RBM4: variants seen among roughly 807,000 people sequenced by gnomAD.
The protein encoded by RBM4 is RNA-binding protein 4.
Under a neutral mutation model 29.5 loss-of-function variants are expected in RBM4, and 7 were observed. That is an observed-to-expected ratio of 0.24 (90% CI 0.14 to 0.45). The LOEUF (loss-of-function observed/expected upper bound fraction) is 0.45. Among genes scored for constraint, RBM4 ranks in the 20% least tolerant of loss-of-function variants. RBM4 has a pLI of 1.00. For synonymous variants in RBM4, 220 were observed against 205.4 expected, an observed-to-expected ratio of 1.07 and a Z score of -0.61; for missense variants, 387 against 502.3, an observed-to-expected ratio of 0.77 and a Z score of 2.19.
chr11:66,664,671 G>C (rs971245892), intron 2 of RBM4, among the ~76,000 whole-genome samples: 2 of 151,018 alleles, frequency 1.3e-5, no homozygotes, highest in Admixed American at 1.3e-4. Context: ...TATTGGTCAG[G>C]CTGGTCTACC....
At chr11:66,647,256 C>T (rs1398709663), downstream of RBM4, among the ~76,000 whole-genome samples, 2 of 152,210 alleles carry the variant, frequency 1.3e-5, no homozygotes, top group Non-Finnish European at 2.9e-5. Context: ...CTACTGTATG[C>T]CAGGCATTAC....
At chr11:66,663,737 TTTTC>T (rs1316798906) in intron 2 of RBM4, among the ~76,000 whole-genome samples, 12 of 152,138 alleles carry the variant, frequency 7.9e-5, no homozygotes, top group East Asian at 3.9e-4. Flanking sequence ...TGTATATATG[TTTTC>T]TTTTTGTTTT....
At chr11:66,650,882 TAATA>T (rs1938812992), downstream of RBM4, among the ~76,000 whole-genome samples, 1 of 151,610 alleles carries the variant, frequency 6.6e-6, no homozygotes, top group Non-Finnish European at 1.5e-5. Flanking sequence ...AAAATAATAA[TAATA>T]AATTTAAAAA....
At chr11:66,641,164 A>T (rs1464013843) in intron 2 of RBM4, 1 of 152,144 alleles carries the variant, frequency 6.6e-6, no homozygotes, top group Non-Finnish European at 1.5e-5. Flanking sequence ...CAAAAATAAT[A>T]AAAAATAAAA....
chr11:66,662,424 CAG>C (rs1430733364), intron 2 of RBM4, among the ~76,000 whole-genome samples: 5 of 151,826 alleles, frequency 3.3e-5, no homozygotes, highest in African/African-American at 7.3e-5. Context: ...TTTTTTGAGA[CAG>C]AGTCTCACTC....
chr11:66,650,843 A>G (rs1938811863), downstream of RBM4, among the ~76,000 whole-genome samples: 1 of 152,220 alleles, frequency 6.6e-6, no homozygotes, highest in Non-Finnish European at 1.5e-5. Context: ...AGCCGGGGCA[A>G]CAGAGCTAGA....
At chr11:66,662,545 G>A (rs1353832082) in intron 2 of RBM4, among the ~76,000 whole-genome samples, 1 of 152,012 alleles carries the variant, frequency 6.6e-6, no homozygotes, top group Non-Finnish European at 1.5e-5. Flanking sequence ...GGGATTACAG[G>A]TGCACACCAC....
chr11:66,662,025 A>C (rs541989236), intron 2 of RBM4, among the ~76,000 whole-genome samples: 1 of 152,190 alleles, frequency 6.6e-6, no homozygotes. Flanking sequence ...GCGAGACTCC[A>C]TCTCAAAACA....
chr11:66,655,719 A>G (rs1938937467), intron 2 of RBM4, among the ~76,000 whole-genome samples: 2 of 152,290 alleles, frequency 1.3e-5, no homozygotes, highest in Admixed American at 6.5e-5. Context: ...TCTAACAGTA[A>G]GGAGGCCAGT....
intron 3 of RBM4, 188 bp downstream of exon 3, chr11:66,644,328 A>G (rs759318306): frequency 2.5e-5 from 20 of 805,182 alleles, no homozygotes; most frequent in Non-Finnish European, 1.1e-5. Flanking sequence ...CTTGGCCCTC[A>G]TGGCTATTTT....
Position 66,643,973 on chromosome 11 carries a change from T to G in RBM4, c.936T>G (p.Arg312=). 1 of 1,613,076 alleles carries G rather than the reference T, an allele frequency of 6.2e-7. No homozygotes were observed. The highest frequency in any genetic ancestry group is 8.5e-7 in the Non-Finnish European group (1 of 1,180,000). The change falls in exon 3 of 4, where the codon CGT becomes CGG. Residue 312 remains arginine, a synonymous_variant. Coordinates refer to ENST00000310092, the MANE Select transcript of RBM4 (RefSeq NM_002896.4). This position sits in a 1 kb window ranked among gnomAD's most constrained non-coding sequence, Gnocchi z 6.1. ...SYYGRDRSPL[R]RATAPVPTVG... ...ACGGGCGGGATCGGAGCCCCCTGCGTCGCGCTACAGCCCCAGTCCCCACTG... is the reference window on the plus strand; with the variant it reads ...ACGGGCGGGATCGGAGCCCCCTGCGGCGCGCTACAGCCCCAGTCCCCACTG...
At chr11:66,646,699 TAAA>T (rs1175590295), downstream of RBM4, among the ~76,000 whole-genome samples, 1 of 152,328 alleles carries the variant, frequency 6.6e-6, no homozygotes, top group South Asian at 2.1e-4. Context: ...ACCTTTGTTA[TAAA>T]ACCAACTACT....
At chr11:66,657,293 T>C (rs1483643636) in intron 2 of RBM4, among the ~76,000 whole-genome samples, 2 of 151,650 alleles carry the variant, frequency 1.3e-5, no homozygotes, top group African/African-American at 4.8e-5. Flanking sequence ...ATTTATTTTT[T>C]ATTTTTATCT....
At chr11:66,655,518 G>T (rs1938932379) in intron 2 of RBM4, among the ~76,000 whole-genome samples, 1 of 152,186 alleles carries the variant, frequency 6.6e-6, no homozygotes, top group African/African-American at 2.4e-5. Flanking sequence ...CTGGGCTCAA[G>T]CGATTCTCAC....
chr11:66,655,348 G>A (rs1438528756), intron 2 of RBM4, among the ~76,000 whole-genome samples: 1 of 151,316 alleles, frequency 6.6e-6, no homozygotes, highest in Non-Finnish European at 1.5e-5. Flanking sequence ...GCAGTGCAGT[G>A]GGGTGATCTT....
intron 2 of RBM4, among the ~76,000 whole-genome samples, chr11:66,651,830 T>C (rs1410191136): frequency 2.3e-4 from 35 of 152,162 alleles, no homozygotes; most frequent in Non-Finnish European, 1.0e-4. Context: ...GGGTGAGGGA[T>C]TTCTCTGGAG....
intron 2 of RBM4, among the ~76,000 whole-genome samples, chr11:66,659,489 C>T (rs1376360983): frequency 6.6e-6 from 1 of 151,786 alleles, no homozygotes; most frequent in Non-Finnish European, 1.5e-5. Context: ...CCATATTGGC[C>T]AGGCTGGTCT....
In RBM4 at chr11:66,646,360, C is replaced by G; in HGVS notation, c.*342C>G. 1 of 1,223,098 alleles carries G rather than the reference C, an allele frequency of 8.2e-7. No individual in the cohort carries two copies. Among genetic ancestry groups the G allele is most frequent in the African/African-American group, 1.5e-5 (1 of 65,460 alleles). 75.8% of individuals were successfully genotyped at this position (1,223,098 alleles called of 1,614,324 possible). A position where few individuals can be genotyped will look rare whatever the true frequency, so the allele number is the denominator to read the frequency against. On this transcript the variant is annotated 3_prime_UTR_variant, in exon 4 of 4. Transcript: ENST00000310092. ...CTGCGGCTGTTGGATTTGGGAATGA[C>G]CTTGGTGAGAGTCTCACTGCTCCAG... is the stretch of plus-strand genomic sequence containing the variant.
chr11:66,666,471 T>C (rs1939233697), exon 3 of RBM4: 1 of 986,400 alleles, frequency 1.0e-6, no homozygotes, highest in East Asian at 1.1e-4. Flanking sequence ...CTCAGGGTTA[T>C]TCAGTCCATT....
Sources: allele counts gnomAD v4.1 joint callset (sites outside exome capture counted in the v4.1 genomes callset), GRCh38; gene constraint gnomAD v4.1.1; non-coding constraint Gnocchi (gnomAD v3.1); transcripts MANE v1.5; gene names NCBI Gene and HGNC (gene_info 2026-07-23, HGNC 2026-07-21).